AGBL4: variants seen among roughly 807,000 people sequenced by gnomAD.
The protein encoded by AGBL4 is AGBL carboxypeptidase 4.
In AGBL4, 58 loss-of-function variants were observed where a neutral mutation model predicts 66.4. That is an observed-to-expected ratio of 0.87 (90% confidence interval 0.71 to 1.09). AGBL4 has a LOEUF of 1.09. Ranked by LOEUF, AGBL4 falls within the 50% of genes least tolerant of loss-of-function variation. AGBL4 has a pLI of 0.00. For synonymous variants in AGBL4, 234 were observed against 222.9 expected, an observed-to-expected ratio of 1.05 and a Z score of -0.44; for missense variants, 579 against 631.0, an observed-to-expected ratio of 0.92 and a Z score of 0.88.
chr1:49,313,998 T>C (rs1299745052), intron 3 of AGBL4, among the ~76,000 whole-genome samples: 1 of 152,228 alleles, frequency 6.6e-6, no homozygotes, highest in Non-Finnish European at 1.5e-5. Flanking sequence ...TTCATGGTTT[T>C]AGGTCTTACG....
intron 5 of AGBL4, among the ~76,000 whole-genome samples, chr1:48,914,306 AG>A (rs1653402267): frequency 6.6e-6 from 1 of 152,202 alleles, no homozygotes; most frequent in Non-Finnish European, 1.5e-5. Flanking sequence ...CCAGATGAAG[AG>A]GATGGTCAGC....
chr1:48,761,538 C>T (rs1006254346), intron 6 of AGBL4: 73 of 1,447,384 alleles, frequency 5.0e-5, no homozygotes, highest in Non-Finnish European at 6.5e-5. Flanking sequence ...TTTAGAATGC[C>T]CAAAACCTCA....
chr1:49,670,016 G>A (rs991320128), intron 3 of AGBL4, among the ~76,000 whole-genome samples: 17 of 151,972 alleles, frequency 1.1e-4, no homozygotes, highest in South Asian at 2.1e-4. Flanking sequence ...CTACTACAAA[G>A]AGATTTCAGA....
intron 3 of AGBL4, among the ~76,000 whole-genome samples, chr1:49,465,924 A>T (rs1370845582): frequency 6.6e-6 from 1 of 151,844 alleles, no homozygotes; most frequent in Admixed American, 6.6e-5. Flanking sequence ...AAAGATTGCT[A>T]AATCAAATGG....
chr1:48,625,106 TTC>T (rs1645480587), intron 9 of AGBL4, among the ~76,000 whole-genome samples: 1 of 32,202 alleles, frequency 3.1e-5, no homozygotes, highest in Non-Finnish European at 9.1e-5. Flanking sequence ...CCTTCCTTCC[TTC>T]CTTCCTTCCT....
intron 3 of AGBL4, among the ~76,000 whole-genome samples, chr1:49,385,644 T>C (rs575724247): frequency 1.1e-4 from 16 of 152,222 alleles, no homozygotes; most frequent in Admixed American, 7.9e-4. Flanking sequence ...ATCAAACTTC[T>C]TTATATCTTT....
At position 48,917,067 on chromosome 1, in the gene AGBL4, G is replaced by A. The variant is rs376827762; in HGVS notation, c.595-49837C>T. Reference sequence around the variant, plus strand: ...TTAGGAGATGAAGAGAGGGATATTAGTCATTTTGGGGAGATGCAATCAAGT... The same window carrying A: ...TTAGGAGATGAAGAGAGGGATATTAATCATTTTGGGGAGATGCAATCAAGT... On this transcript the variant is annotated intron_variant, in intron 5 of 13. Coordinates refer to ENST00000371839, the MANE Select transcript of AGBL4 (RefSeq NM_032785.4). Among the ~76,000 whole-genome samples, 3 of 152,010 alleles carry A rather than the reference G, an allele frequency of 2.0e-5. No individual in the cohort carries two copies. The East Asian group carries it at 5.8e-4, about 29-fold the overall frequency.
intron 4 of AGBL4, among the ~76,000 whole-genome samples, chr1:49,199,948 G>C (rs1031153984): frequency 6.6e-6 from 1 of 152,102 alleles, no homozygotes; most frequent in South Asian, 2.1e-4. Flanking sequence ...TGATATGTGG[G>C]GAGGCAAGTG....
intron 5 of AGBL4, among the ~76,000 whole-genome samples, chr1:49,001,113 C>T (rs769554464): frequency 2.0e-5 from 3 of 152,124 alleles, no homozygotes; most frequent in South Asian, 4.1e-4. Flanking sequence ...TCTCTTTAAA[C>T]CATTATGCTT....
chr1:49,995,121 T>C (rs537897418), intron 1 of AGBL4: 2 of 456,036 alleles, frequency 4.4e-6, no homozygotes, highest in Non-Finnish European at 4.4e-6. Context: ...TCAAGTAAAC[T>C]CAAAGTTTCC....
At chr1:48,556,944 C>T (rs754986352) in intron 11 of AGBL4, among the ~76,000 whole-genome samples, 17 of 152,204 alleles carry the variant, frequency 1.1e-4, no homozygotes, top group Non-Finnish European at 2.1e-4. Flanking sequence ...GGCATGCCAT[C>T]GAGCCTGGCT....
At chr1:49,160,539 T>C (rs1164854835) in intron 4 of AGBL4, among the ~76,000 whole-genome samples, 26 of 152,142 alleles carry the variant, frequency 1.7e-4, no homozygotes, top group Admixed American at 1.6e-3. Flanking sequence ...AGGGACCCAC[T>C]TGAGGAGGCA....
intron 1 of AGBL4, among the ~76,000 whole-genome samples, chr1:49,931,804 C>A (rs1168527758): frequency 6.6e-6 from 1 of 152,010 alleles, no homozygotes; most frequent in Non-Finnish European, 1.5e-5. Flanking sequence ...CCTAGAAGAG[C>A]CAAAAACAAC....
intron 6 of AGBL4, among the ~76,000 whole-genome samples, chr1:48,844,717 G>T (rs1646874444): frequency 6.6e-6 from 1 of 152,164 alleles, no homozygotes; most frequent in South Asian, 2.1e-4. Context: ...AAGAAGAGTT[G>T]ATCTCTTGCT....
chr1:49,591,471 A>G (rs928627199), intron 3 of AGBL4, among the ~76,000 whole-genome samples: 58 of 152,094 alleles, frequency 3.8e-4, no homozygotes, highest in Non-Finnish European at 7.7e-4. Flanking sequence ...TATTAAGTAA[A>G]GGAATTGAAT....
chr1:49,460,642 T>C (rs1646491804), intron 3 of AGBL4, among the ~76,000 whole-genome samples: 1 of 151,760 alleles, frequency 6.6e-6, no homozygotes, highest in Admixed American at 6.6e-5. Flanking sequence ...ATGCTATTTG[T>C]TGCCCAAATA....
chr1:49,616,441 T>C (rs1243215025), intron 3 of AGBL4, among the ~76,000 whole-genome samples: 3 of 152,214 alleles, frequency 2.0e-5, no homozygotes, highest in Non-Finnish European at 4.4e-5. Flanking sequence ...GTAGGATTCT[T>C]TGATCTCTAA....
At chr1:48,616,942 G>C (rs1385549732) in intron 9 of AGBL4, among the ~76,000 whole-genome samples, 1 of 152,156 alleles carries the variant, frequency 6.6e-6, no homozygotes, top group African/African-American at 2.4e-5. Context: ...TTTCCCACTA[G>C]AGTGAGTGTT....
At chr1:48,956,853 G>A (rs774050538) in intron 5 of AGBL4, among the ~76,000 whole-genome samples, 1 of 152,064 alleles carries the variant, frequency 6.6e-6, no homozygotes, top group Non-Finnish European at 1.5e-5. Flanking sequence ...AAAGGCCAAT[G>A]GCAGGACACA....
Sources: gnomAD v4.1 joint callset for allele counts (sites outside exome capture counted in the v4.1 genomes callset) on GRCh38, gnomAD v4.1.1 for gene constraint, MANE v1.5 for transcripts, NCBI Gene and HGNC (gene_info 2026-07-23, HGNC 2026-07-21) for gene names.